Variants in CSNK1G3 observed in about 807,000 individuals in gnomAD.
CSNK1G3 encodes casein kinase I isoform gamma-3.
A neutral mutation model predicts 64.3 loss-of-function variants in CSNK1G3; 23 were observed. The ratio of observed to expected loss-of-function variants is 0.36; its 90% CI spans 0.26 to 0.51. The LOEUF is 0.51. Among genes scored for constraint, CSNK1G3 ranks in the 20% least tolerant of loss-of-function variants. The pLI, the probability that CSNK1G3 is intolerant of heterozygous loss-of-function variation, is 0.96. For synonymous variants in CSNK1G3, 158 were observed against 162.2 expected (o/e 0.97, Z 0.20); for missense variants, 357 against 510.5 (o/e 0.70, Z 2.90).
At chr5:123,541,265 T>C (rs1781630581) in intron 1 of CSNK1G3, among the ~76,000 whole-genome samples, 2 of 152,258 alleles carry the variant, frequency 1.3e-5, no homozygotes, top group African/African-American at 4.8e-5. Context: ...GAATTGATAT[T>C]TTTATCATTA....
At chr5:123,569,435 A>C (rs1026043901) in intron 4 of CSNK1G3, among the ~76,000 whole-genome samples, 5 of 152,262 alleles carry the variant, frequency 3.3e-5, no homozygotes, top group Admixed American at 6.5e-5. Flanking sequence ...ATTCTCATAC[A>C]TTAAAATCCA....
intron 1 of CSNK1G3, among the ~76,000 whole-genome samples, chr5:123,536,132 T>C (rs1191085770): frequency 6.6e-6 from 1 of 152,120 alleles, no homozygotes; most frequent in African/African-American, 2.4e-5. Context: ...CCTACACATA[T>C]TTCTGTACAT....
At position 123,524,300 on chromosome 5, in the gene CSNK1G3, G is replaced by A. The variant is rs576735052; in HGVS notation, c.-248+11730G>A. Among the ~76,000 whole-genome samples the A allele has an allele frequency of 7.9e-5, 12 of 152,230 alleles. No homozygotes were observed. In the South Asian group the frequency reaches 1.5e-3, roughly 18 times the overall value. On this transcript the variant is annotated intron_variant, in intron 1 of 12. Transcript: ENST00000345990. ...GTTGTGTAATTAGGATGCTTGAGAC[G>A]GAAAATGTTTTGGGTAACTTTGGCA...
At chr5:123,548,925 T>A (rs1282998200) in intron 2 of CSNK1G3, among the ~76,000 whole-genome samples, 1 of 152,236 alleles carries the variant, frequency 6.6e-6, no homozygotes, top group Admixed American at 6.5e-5. Flanking sequence ...CACAGTACGC[T>A]GTACAATATT....
At chr5:123,613,487 A>G (rs1445484229) in intron 12 of CSNK1G3, among the ~76,000 whole-genome samples, 1 of 151,800 alleles carries the variant, frequency 6.6e-6, no homozygotes, top group African/African-American at 2.4e-5. Flanking sequence ...GTATGTGTGT[A>G]TATATATATT....
intron 1 of CSNK1G3, among the ~76,000 whole-genome samples, chr5:123,522,184 C>T (rs1330371192): frequency 2.0e-5 from 3 of 152,024 alleles, no homozygotes; most frequent in East Asian, 3.9e-4. Flanking sequence ...CATACAGTTC[C>T]TCAGATTCGT....
At chr5:123,611,790 ATATTCTTAAATTTAATATTCTAAG>A (rs1263011289) in intron 12 of CSNK1G3, among the ~76,000 whole-genome samples, 1 of 152,180 alleles carries the variant, frequency 6.6e-6, no homozygotes, top group African/African-American at 2.4e-5. Context: ...AAATATGGCC[ATATTCTTAAATTTAATATTCTAAG>A]TATTTGGTCT....
In CSNK1G3 at chr5:123,533,706, A is replaced by G. The variant is rs142761056; in HGVS notation, c.-247-11711A>G. On this transcript the variant is annotated intron_variant, in intron 1 of 12. Transcript: ENST00000345990. ...TTTTCTTATATATTTATGTGTTATT[A>G]TACTTCTCAAAAGCCCTTGGGGGCT... Among the ~76,000 whole-genome samples the G allele has an allele frequency of 2.6e-3, 400 of 151,864 alleles. 3 individuals are homozygous for G. The highest frequency in any genetic ancestry group is 9.1e-3 in the African/African-American group (380 of 41,532).
At chr5:123,589,007 A>T (rs1302196109) in intron 8 of CSNK1G3, among the ~76,000 whole-genome samples, 2 of 152,164 alleles carry the variant, frequency 1.3e-5, no homozygotes, top group Admixed American at 1.3e-4. Context: ...TTTTGCTTTC[A>T]AGTAGATTTA....
chr5:123,540,011 T>C (rs1172547955), intron 1 of CSNK1G3, among the ~76,000 whole-genome samples: 1 of 152,154 alleles, frequency 6.6e-6, no homozygotes, highest in Non-Finnish European at 1.5e-5. Flanking sequence ...ATTTGTATAT[T>C]CTCTTTTGTT....
At chr5:123,545,082 T>C (rs539342656) in intron 1 of CSNK1G3, among the ~76,000 whole-genome samples, 1 of 152,280 alleles carries the variant, frequency 6.6e-6, no homozygotes, top group Non-Finnish European at 1.5e-5. Context: ...TTATGTTGAC[T>C]TACTGGAATT....
At chr5:123,521,727 G>C (rs914198114) in intron 1 of CSNK1G3, among the ~76,000 whole-genome samples, 2 of 152,118 alleles carry the variant, frequency 1.3e-5, no homozygotes, top group African/African-American at 4.8e-5. Context: ...TTTAAAGATA[G>C]TTCATGCAGT....
intron 12 of CSNK1G3, among the ~76,000 whole-genome samples, chr5:123,610,538 A>G (rs1369771086): frequency 1.3e-5 from 2 of 152,190 alleles, no homozygotes; most frequent in African/African-American, 4.8e-5. Flanking sequence ...GAAAAAGGCA[A>G]TGAACAAAGG....
At chr5:123,545,641 A>G (rs766830197) in exon 2 of CSNK1G3, 2 of 1,602,796 alleles carry the variant, frequency 1.2e-6, no homozygotes, top group Admixed American at 1.7e-5. Flanking sequence ...AAAGAATTCA[A>G]AGTGGAGTAC....
intron 2 of CSNK1G3, 138 bp from the exon 3 acceptor site, chr5:123,552,969 T>G (rs536831238): frequency 2.1e-6 from 1 of 468,388 alleles, no homozygotes; most frequent in African/African-American, 2.0e-5. Flanking sequence ...ATTTCCTTGT[T>G]AAGTTTTTTT....
chr5:123,581,975 A>C (rs573865947), intron 6 of CSNK1G3, among the ~76,000 whole-genome samples: 1 of 152,090 alleles, frequency 6.6e-6, no homozygotes, highest in African/African-American at 2.4e-5. Context: ...TGCTTAGCCA[A>C]CATGTCTTTT....
At chr5:123,530,434 A>G (rs2150084299) in intron 1 of CSNK1G3, among the ~76,000 whole-genome samples, 2 of 152,318 alleles carry the variant, frequency 1.3e-5, no homozygotes, top group African/African-American at 4.8e-5. Flanking sequence ...AGTAGCTTTT[A>G]AACTGTAGAA....
chr5:123,541,692 A>G (rs1274526494), intron 1 of CSNK1G3, among the ~76,000 whole-genome samples: 5 of 152,198 alleles, frequency 3.3e-5, no homozygotes, highest in Non-Finnish European at 5.9e-5. Flanking sequence ...TCTGCCTCCC[A>G]AAGTGCTGGG....
intron 6 of CSNK1G3, among the ~76,000 whole-genome samples, chr5:123,579,031 T>G (rs1357533139): frequency 2.0e-5 from 3 of 151,934 alleles, no homozygotes; most frequent in Non-Finnish European, 4.4e-5. Context: ...TCACTGCTGC[T>G]CAAAAGTACC....
Sources: allele counts gnomAD v4.1 joint callset (sites outside exome capture counted in the v4.1 genomes callset), GRCh38; gene constraint gnomAD v4.1.1; transcripts MANE v1.5; gene names NCBI Gene and HGNC (gene_info 2026-07-23, HGNC 2026-07-21).